The following CEP192 variants were observed in gnomAD, a reference collection of about 807,000 sequenced individuals.
The protein encoded by CEP192 is centrosomal protein of 192 kDa.
CEP192 carries 151 observed loss-of-function variants against 271.8 expected under a neutral mutation model. The ratio of observed to expected loss-of-function variants is 0.56; its 90% CI spans 0.49 to 0.64. CEP192 has a LOEUF of 0.64. Ranked by LOEUF, CEP192 falls within the 30% of genes least tolerant of loss-of-function variation. CEP192 has a pLI of 0.00. For synonymous variants in CEP192, 995 were observed against 1,076.5 expected, an observed-to-expected ratio of 0.92 and a Z score of 1.48; for missense variants, 2,910 against 3,020.5, an observed-to-expected ratio of 0.96 and a Z score of 0.86.
At position 13,123,074 on chromosome 18, in the gene CEP192, T is replaced by C. The variant is rs114588801; in HGVS notation, c.7476-1558T>C. ...GTTAATATAGAACAATTCTATATTC[T>C]GTGATGAAATTTATTAATAATGAGT... On this transcript the variant is annotated intron_variant, in intron 44 of 44. Coordinates refer to ENST00000506447, the MANE Select transcript of CEP192 (RefSeq NM_032142.4). 9.6e-3 allele frequency among the ~76,000 whole-genome samples: 1,458 copies of C among 152,306 alleles called. 25 individuals carry two copies. Among genetic ancestry groups the C allele is most frequent in the African/African-American group, 0.034 (1,395 of 41,562 alleles).
At chr18:13,028,242 G>A (rs1432146496) in intron 9 of CEP192, among the ~76,000 whole-genome samples, 1 of 152,150 alleles carries the variant, frequency 6.6e-6, no homozygotes, top group Admixed American at 6.5e-5. Context: ...TGGTCATTGT[G>A]ATTAGGGTCC....
chr18:13,023,278 A>T (rs1438364592), intron 9 of CEP192, among the ~76,000 whole-genome samples: 1 of 152,132 alleles, frequency 6.6e-6, no homozygotes, highest in Non-Finnish European at 1.5e-5. Context: ...GACTTATAGT[A>T]TGATGTTGAA....
chr18:13,075,564 C>G (rs1173625744), intron 30 of CEP192, among the ~76,000 whole-genome samples: 2 of 151,750 alleles, frequency 1.3e-5, no homozygotes, highest in Non-Finnish European at 2.9e-5. Context: ...GACTCCATCT[C>G]AAACAAAAAG....
intron 30 of CEP192, among the ~76,000 whole-genome samples, chr18:13,079,557 A>T (rs539823081): frequency 6.6e-6 from 1 of 152,102 alleles, no homozygotes; most frequent in African/African-American, 2.4e-5. Flanking sequence ...AGATGGGTAG[A>T]TTAAAAAATT....
chr18:13,103,847 G>C, intron 39 of CEP192: 1 of 547,144 alleles, frequency 1.8e-6, no homozygotes, highest in Non-Finnish European at 3.5e-6. Flanking sequence ...GCACCACCAT[G>C]TCCAGCTAAC....
intron 40 of CEP192, among the ~76,000 whole-genome samples, chr18:13,110,310 C>T (rs543074416): frequency 2.0e-5 from 3 of 152,064 alleles, no homozygotes; most frequent in Non-Finnish European, 2.9e-5. Context: ...ATTCACACTC[C>T]CTGCTTTCAA....
At position 13,053,017 on chromosome 18, in the gene CEP192, G is replaced by A. The variant is rs761684430; in HGVS notation, c.3116G>A (p.Arg1039Lys). The part of the protein sequence containing the change: ...PLVCSPAGVS[R>K]LTYVSEPESS... ...GTGTGCTCGCCTGCTGGGGTGAGCA[G>A]GCTGACGTATGTGTCTGAACCAGAG... The change falls in exon 18 of 45, where the codon AGG becomes AAG. Residue 1039 changes from arginine (R) to lysine (K), a missense_variant. Arg to Lys is a conservative substitution (Grantham distance 26). Coordinates refer to ENST00000506447, the MANE Select transcript of CEP192 (RefSeq NM_032142.4). 6.2e-7 allele frequency: 1 copy of A among 1,613,998 alleles called. No homozygotes were observed. Among genetic ancestry groups the A allele is most frequent in the Non-Finnish European group, 8.5e-7 (1 of 1,179,904 alleles).
At chr18:13,105,177 G>A in intron 40 of CEP192, 98 bp downstream of exon 40, 2 of 822,510 alleles carry the variant, frequency 2.4e-6, no homozygotes, top group African/African-American at 1.7e-5. Context: ...CTGGAGCAGT[G>A]CTACTCACAG....
intron 34 of CEP192, 29 bp from the exon 35 acceptor site, chr18:13,095,474 A>G (rs752747622): frequency 4.5e-6 from 7 of 1,564,280 alleles, no homozygotes; most frequent in Middle Eastern, 1.7e-4. Context: ...CTTCATGTCT[A>G]ACTTTTTCAT....
chr18:13,022,521 C>T (rs1322288953), intron 9 of CEP192, among the ~76,000 whole-genome samples: 2 of 152,146 alleles, frequency 1.3e-5, no homozygotes, highest in African/African-American at 2.4e-5. Flanking sequence ...GCTGGGATTA[C>T]AAGTGTACGC....
At position 13,029,965 on chromosome 18, in the gene CEP192, A is replaced by T. The variant is rs552534235; in HGVS notation, c.1353A>T (p.Thr451=). 1 of 1,551,412 alleles carries T rather than the reference A, an allele frequency of 6.4e-7. No individual in the cohort carries two copies. Among genetic ancestry groups the T allele is most frequent in the East Asian group, 2.4e-5 (1 of 40,908 alleles). ...GGTCACCAACTTGTGAAAGGCGAAC[A>T]TGTGAATGTCACGAGTCCATCGAAA... The part of the protein sequence containing the change: ...AIWSPTCERR[T]CECHESIEKN... Residue 451 remains threonine, a synonymous_variant, in exon 10 of 45, where the codon ACA becomes ACT. Coordinates refer to ENST00000506447, the MANE Select transcript of CEP192 (RefSeq NM_032142.4).
chr18:13,038,491 C>T lies in CEP192; in HGVS notation c.1721C>T (p.Ala574Val), dbSNP rs1446997267. ...ACATCAGATTTGGATAAAGATGATG[C>T]CAGTTATTTACGTCTGTCTTTAGGA... is the stretch of plus-strand genomic sequence containing the variant. ...RSTSDLDKDD[A>V]SYLRLSLGEF... The change falls in exon 13 of 45, where the codon GCC becomes GTC. Residue 574 changes from alanine (A) to valine (V), a missense_variant. Transcript: ENST00000506447. The T allele has an allele frequency of 1.3e-6, 2 of 1,551,276 alleles. No homozygotes were observed. Among genetic ancestry groups the T allele is most frequent in the Non-Finnish European group, 1.7e-6 (2 of 1,146,818 alleles).
At position 13,008,569 on chromosome 18, in the gene CEP192, C is replaced by T. The variant is rs2034126164; in HGVS notation, c.404C>T (p.Ala135Val). Residue 135 changes from alanine (A) to valine (V), a missense_variant, in exon 4 of 45, where the codon GCT becomes GTT. By Grantham distance (64) the Ala-to-Val change is moderately conservative (BLOSUM62 0). Coordinates refer to ENST00000506447, the MANE Select transcript of CEP192 (RefSeq NM_032142.4). ...TAGPEEEPAG[A>V]TESLQGQDLF... ...GGACCAGAAGAGGAGCCAGCCGGAG[C>T]TACAGAATCCTTGCAGGGCCAAGAT... The T allele has an allele frequency of 6.4e-7, 1 of 1,551,638 alleles. No homozygotes were observed. The highest frequency in any genetic ancestry group is 8.7e-7 in the Non-Finnish European group (1 of 1,146,930).
chr18:13,090,250 A>T (rs1190666746), intron 33 of CEP192, among the ~76,000 whole-genome samples: 2 of 152,232 alleles, frequency 1.3e-5, no homozygotes, highest in Admixed American at 1.3e-4. Context: ...GAGTTATTTA[A>T]TTATGTGGTA....
chr18:13,088,953 A>G (rs768316413), intron 32 of CEP192: 2 of 426,580 alleles, frequency 4.7e-6, no homozygotes, highest in South Asian at 1.7e-5. Flanking sequence ...AAATCAGCGT[A>G]TTGTTTTCAA....
intron 30 of CEP192, among the ~76,000 whole-genome samples, chr18:13,083,509 A>G (rs745593150): frequency 3.3e-5 from 5 of 152,148 alleles, no homozygotes; most frequent in Non-Finnish European, 5.9e-5. Flanking sequence ...CTAGTTAGCC[A>G]TTCGTCTAAT....
intron 15 of CEP192, among the ~76,000 whole-genome samples, chr18:13,048,079 A>G (rs1716104852): frequency 1.3e-5 from 2 of 152,214 alleles, no homozygotes; most frequent in Non-Finnish European, 2.9e-5. Flanking sequence ...TCATGCTTAT[A>G]AAGATCAAAC....
chr18:13,079,984 C>A (rs1240225853), intron 30 of CEP192, among the ~76,000 whole-genome samples: 1 of 152,084 alleles, frequency 6.6e-6, no homozygotes, highest in Admixed American at 6.6e-5. Context: ...TGTTCTGTTC[C>A]ACTGGTCTGT....
At chr18:13,118,045 TG>T (rs1431244532) in intron 44 of CEP192, among the ~76,000 whole-genome samples, 14 of 152,354 alleles carry the variant, frequency 9.2e-5, no homozygotes, top group African/African-American at 3.1e-4. Context: ...CCGAGTTAAT[TG>T]GGAAAACTTT....
Sources: gnomAD v4.1 joint callset for allele counts (sites outside exome capture counted in the v4.1 genomes callset) on GRCh38, gnomAD v4.1.1 for gene constraint, MANE v1.5 for transcripts, NCBI Gene and HGNC (gene_info 2026-07-23, HGNC 2026-07-21) for gene names.